The following ZFAND4 variants were observed in gnomAD, a reference collection of about 807,000 sequenced individuals.
ZFAND4 encodes zinc finger AN1-type containing 4, also known as AN1-type zinc finger protein 4.
Under a neutral mutation model 64.4 loss-of-function variants are expected in ZFAND4, and 43 were observed. That is an observed-to-expected ratio of 0.67 (90% CI 0.52 to 0.86). ZFAND4 has a LOEUF of 0.86. Among genes scored for constraint, ZFAND4 ranks in the 40% least tolerant of loss-of-function variants. The probability of loss-of-function intolerance (pLI) is 0.00; values close to 1 mark genes in which losing one functional copy is unlikely to be tolerated. For missense variants in ZFAND4, 929 were observed against 859.8 expected, an observed-to-expected ratio of 1.08 and a Z score of -1.01; for synonymous variants, 296 against 305.7, an observed-to-expected ratio of 0.97 and a Z score of 0.33.
At chr10:45,665,520 G>A (rs1189293278) in intron 1 of ZFAND4, among the ~76,000 whole-genome samples, 1 of 151,932 alleles carries the variant, frequency 6.6e-6, no homozygotes, top group African/African-American at 2.4e-5. Flanking sequence ...CAACCTGGGT[G>A]ACAGAGCAAG....
intron 1 of ZFAND4, among the ~76,000 whole-genome samples, chr10:45,670,063 T>C (rs2049078054): frequency 1.3e-5 from 2 of 152,204 alleles, no homozygotes; most frequent in African/African-American, 4.8e-5. Flanking sequence ...ATAAAGGATA[T>C]TCAATTAGGA....
intron 6 of ZFAND4, among the ~76,000 whole-genome samples, chr10:45,635,204 A>C (rs1308714524): frequency 4.1e-5 from 6 of 144,918 alleles, no homozygotes; most frequent in African/African-American, 1.0e-4. Context: ...GCAAAAAAAA[A>C]AAAAAAAAAC....
intron 2 of ZFAND4, among the ~76,000 whole-genome samples, chr10:45,654,869 T>G (rs1241123978): frequency 6.6e-6 from 1 of 151,962 alleles, no homozygotes; most frequent in African/African-American, 2.4e-5. Context: ...ACAATTGCTA[T>G]CAGGAAAAGA....
At chr10:45,639,751 C>T in intron 6 of ZFAND4, 65 bp downstream of exon 6, 2 of 1,502,312 alleles carry the variant, frequency 1.3e-6, no homozygotes, top group Non-Finnish European at 1.8e-6. Flanking sequence ...ACCAACAGAC[C>T]TCATTGCTGA....
At chr10:45,660,716 C>T (rs180812859) in intron 2 of ZFAND4, among the ~76,000 whole-genome samples, 2 of 152,150 alleles carry the variant, frequency 1.3e-5, no homozygotes, top group African/African-American at 4.8e-5. Context: ...ATAATTACTA[C>T]AGGGGAGTTT....
intron 1 of ZFAND4, among the ~76,000 whole-genome samples, chr10:45,667,110 AC>A (rs1413300806): frequency 1.3e-5 from 2 of 152,192 alleles, no homozygotes; most frequent in African/African-American, 2.4e-5. Flanking sequence ...ATCCATAAAT[AC>A]ATACTATTTT....
intron 7 of ZFAND4, 80 bp downstream of exon 7, chr10:45,625,871 T>C (rs1426690766): frequency 2.3e-6 from 3 of 1,305,084 alleles, no homozygotes; most frequent in Non-Finnish European, 2.1e-6. Flanking sequence ...TCCTTATTTA[T>C]GTAAACAAAA....
At chr10:45,618,369 T>G in intron 8 of ZFAND4, 109 bp from the exon 9 acceptor site, 1 of 1,336,380 alleles carries the variant, frequency 7.5e-7, no homozygotes, top group Non-Finnish European at 1.0e-6. Context: ...ATCTATGCCA[T>G]AAAAATTAAT....
intron 7 of ZFAND4, 65 bp downstream of exon 7, chr10:45,625,886 A>C: frequency 6.9e-7 from 1 of 1,458,618 alleles, no homozygotes; most frequent in Non-Finnish European, 9.2e-7. Context: ...ACAAAAACCA[A>C]ACTTTAAATA....
chr10:45,671,197 T>A (rs1161130459), intron 1 of ZFAND4, among the ~76,000 whole-genome samples: 1 of 152,194 alleles, frequency 6.6e-6, no homozygotes, highest in Non-Finnish European at 1.5e-5. Flanking sequence ...CTGGAGAGGA[T>A]GTGTAGAAAT....
chr10:45,670,882 C>T (rs1222803587), intron 1 of ZFAND4, among the ~76,000 whole-genome samples: 3 of 152,186 alleles, frequency 2.0e-5, no homozygotes, highest in Admixed American at 2.0e-4. Context: ...AAACTACCAT[C>T]AGAGTGAACA....
At chr10:45,619,157 GCCTCC>G (rs2045228513) in intron 8 of ZFAND4, among the ~76,000 whole-genome samples, 1 of 151,662 alleles carries the variant, frequency 6.6e-6, no homozygotes, top group Non-Finnish European at 1.5e-5. Flanking sequence ...TTCTGCCTCA[GCCTCC>G]CGAGTAGCTG....
chr10:45,671,508 A>G (rs1244148555), intron 1 of ZFAND4, among the ~76,000 whole-genome samples: 4 of 151,330 alleles, frequency 2.6e-5, no homozygotes, highest in African/African-American at 9.7e-5. Context: ...CCATAAAAAA[A>G]GGATGAGTTC....
intron 5 of ZFAND4, among the ~76,000 whole-genome samples, chr10:45,642,290 A>G (rs1166318887): frequency 1.3e-5 from 2 of 151,664 alleles, no homozygotes; most frequent in Non-Finnish European, 2.9e-5. Context: ...ACACACACAT[A>G]CATACACACA....
intron 9 of ZFAND4, among the ~76,000 whole-genome samples, chr10:45,617,335 A>C (rs1260778599): frequency 1.3e-5 from 2 of 151,888 alleles, no homozygotes; most frequent in Non-Finnish European, 1.5e-5. Flanking sequence ...TCTAAAAAGC[A>C]GGGATTGGGA....
Position 45,626,751 on chromosome 10 carries a change from G to T in ZFAND4, c.1072C>A (p.His358Asn). The T allele has an allele frequency of 6.2e-7, 1 of 1,614,160 alleles. No individual in the cohort carries two copies. Among genetic ancestry groups the T allele is most frequent in the South Asian group, 1.1e-5 (1 of 91,086 alleles). ...TGCCTAGGCAGGGATGATCCAAGAT[G>T]GAGAACAGAGTCAGCAAGCTCCTGG... The part of the protein sequence containing the change: ...NDQELADSVL[H>N]LGSSLPRQTK... Residue 358 changes from histidine (H) to asparagine (N), a missense_variant, in exon 7 of 10, where the codon CAT becomes AAT. Transcript: ENST00000344646.
intron 5 of ZFAND4, among the ~76,000 whole-genome samples, chr10:45,641,139 G>A (rs541317035): frequency 8.5e-5 from 13 of 152,290 alleles, no homozygotes; most frequent in South Asian, 4.1e-4. Flanking sequence ...CAGGCACAGC[G>A]CTTGGCACAT....
chr10:45,656,640 C>A (rs993234287), intron 2 of ZFAND4, among the ~76,000 whole-genome samples: 1 of 151,352 alleles, frequency 6.6e-6, no homozygotes, highest in Non-Finnish European at 1.5e-5. Flanking sequence ...AGACGCTTCA[C>A]CAAAAAAGAT....
intron 6 of ZFAND4, among the ~76,000 whole-genome samples, chr10:45,635,190 C>A (rs1308617209): frequency 2.9e-5 from 1 of 34,060 alleles, no homozygotes. Flanking sequence ...TCAAAGCCAT[C>A]TAAGCAAAAA....
Sources: allele counts gnomAD v4.1 joint callset (sites outside exome capture counted in the v4.1 genomes callset), GRCh38; gene constraint gnomAD v4.1.1; transcripts MANE v1.5; gene names NCBI Gene and HGNC (gene_info 2026-07-23, HGNC 2026-07-21).